TSPAN19: variants seen among roughly 807,000 people sequenced by gnomAD.
TSPAN19 encodes tetraspanin 19.
TSPAN19 carries 44 observed loss-of-function variants against 35.1 expected under a neutral mutation model. The ratio of observed to expected loss-of-function variants is 1.25; its 90% CI spans 0.98 to 1.61. The LOEUF (loss-of-function observed/expected upper bound fraction) is 1.61. Ranked by LOEUF, TSPAN19 falls within the 40% of genes most tolerant of loss-of-function variation. The probability of loss-of-function intolerance (pLI) is 0.00; values close to 1 mark genes in which losing one functional copy is unlikely to be tolerated. For missense variants in TSPAN19, 290 were observed against 280.0 expected, an observed-to-expected ratio of 1.04 and a Z score of -0.26; for synonymous variants, 79 against 92.0, an observed-to-expected ratio of 0.86 and a Z score of 0.81.
chr12:85,028,115 CA>C (rs1565769453), intron 3 of TSPAN19, 92 bp from the exon 4 acceptor site: 3 of 1,133,802 alleles, frequency 2.6e-6, no homozygotes, highest in Non-Finnish European at 3.6e-6. Flanking sequence ...TTGCAGCAAT[CA>C]AAAGTTTTTC....
intron 7 of TSPAN19, 163 bp downstream of exon 7, chr12:85,017,293 A>G (rs1876865701): frequency 3.2e-6 from 2 of 618,424 alleles, no homozygotes; most frequent in South Asian, 2.1e-5. Context: ...ATGACACTAC[A>G]ATTTACCTAA....
Position 85,017,466 on chromosome 12 carries a change from G to A in TSPAN19, c.584C>T (p.Thr195Ile), listed in dbSNP as rs1415848908. The change falls in exon 7 of 9, where the codon ACT (threonine) becomes ATT (isoleucine). Residue 195 changes from threonine (T) to isoleucine (I), a missense_variant. Physicochemically the swap from Thr to Ile is moderately conservative, Grantham distance 89. Transcript: ENST00000532498. ...TAGATTTATCTTTACCTCAAGGTAA[G>A]TTGCATTCAGTGGCTCATCACAAAA... is the stretch of plus-strand genomic sequence containing the variant. ...KWFCDEPLNA[T>I]YLEGCENKIS... is the part of the protein sequence containing the mutation. 2 of 1,608,008 alleles carry A rather than the reference G, an allele frequency of 1.2e-6. No homozygotes were observed. Among genetic ancestry groups the A allele is most frequent in the Non-Finnish European group, 1.7e-6 (2 of 1,176,830 alleles).
intron 5 of TSPAN19, among the ~76,000 whole-genome samples, chr12:85,022,627 A>G (rs979557555): frequency 6.6e-6 from 1 of 152,096 alleles, no homozygotes; most frequent in African/African-American, 2.4e-5. Flanking sequence ...CAAGTTGGTG[A>G]TCCCTAACCA....
chr12:85,023,028 T>C (rs1323409622), intron 5 of TSPAN19, among the ~76,000 whole-genome samples: 1 of 151,982 alleles, frequency 6.6e-6, no homozygotes, highest in Non-Finnish European at 1.5e-5. Context: ...GAGGAGAAGG[T>C]AAAAATTTGA....
intron 8 of TSPAN19, 53 bp downstream of exon 8, chr12:85,015,835 C>A (rs1192595949): frequency 4.5e-6 from 6 of 1,328,712 alleles, no homozygotes; most frequent in South Asian, 1.3e-5. Context: ...GCAGTCTATT[C>A]TGTATAGCTT....
At chr12:85,023,763 G>A (rs1340688705) in intron 4 of TSPAN19, among the ~76,000 whole-genome samples, 1 of 152,102 alleles carries the variant, frequency 6.6e-6, no homozygotes, top group Non-Finnish European at 1.5e-5. Flanking sequence ...AATTTCTGAT[G>A]TACTATTTAA....
chr12:85,028,655 C>T (rs1228647536), intron 3 of TSPAN19, among the ~76,000 whole-genome samples: 1 of 152,092 alleles, frequency 6.6e-6, no homozygotes, highest in Non-Finnish European at 1.5e-5. Flanking sequence ...ACAGTGTAGG[C>T]AGTAGTGTGC....
chr12:85,026,641 T>C (rs1877429954), intron 4 of TSPAN19, among the ~76,000 whole-genome samples: 1 of 152,104 alleles, frequency 6.6e-6, no homozygotes, highest in African/African-American at 2.4e-5. Flanking sequence ...TCCCAATTGC[T>C]GTGTCACTGG....
intron 4 of TSPAN19, among the ~76,000 whole-genome samples, chr12:85,026,706 G>T (rs1380770689): frequency 1.3e-5 from 2 of 152,068 alleles, no homozygotes; most frequent in Admixed American, 1.3e-4. Context: ...TGAGGTACTG[G>T]TTATTTACCA....
intron 6 of TSPAN19, among the ~76,000 whole-genome samples, chr12:85,018,152 C>T (rs915327696): frequency 2.0e-5 from 3 of 151,680 alleles, no homozygotes; most frequent in Non-Finnish European, 4.4e-5. Context: ...TAAGAAATGT[C>T]TCATTTGTAG....
rs781553070 is a variant in TSPAN19 at position 85,019,668 on chromosome 12, T to C, written c.408A>G (p.Glu136=). Residue 136 remains glutamate, a synonymous_variant, in exon 6 of 9, where the codon GAA becomes GAG. Coordinates refer to ENST00000532498, the MANE Select transcript of TSPAN19 (RefSeq NM_001100917.2). ...ISEYGSKDKP[E]DITKWTILNA... ...TCAGAATAGTCCACTTGGTTATATC[T>C]TCAGGCTTATCTTTAGATCCATACT... is the stretch of plus-strand genomic sequence containing the variant. 3.3e-5 allele frequency: 53 copies of C among 1,609,868 alleles called. No individual in the cohort carries two copies. Among genetic ancestry groups the C allele is most frequent in the Non-Finnish European group, 4.4e-5 (52 of 1,177,592 alleles).
chr12:85,027,308 A>G lies in TSPAN19; in HGVS notation c.264+591T>C, dbSNP rs182801008. 2.7e-4 allele frequency among the ~76,000 whole-genome samples: 41 copies of G among 152,206 alleles called. No individual in the cohort carries two copies. The East Asian group carries it at 4.5e-3, about 17-fold the overall frequency. ...AGAGGGGAGGAAAAGAGTGGGGCAA[A>G]GGTTGAAAAGTAACTGCTGGGTACT... On this transcript the variant is annotated intron_variant, in intron 4 of 8. Coordinates refer to ENST00000532498, the MANE Select transcript of TSPAN19 (RefSeq NM_001100917.2).
chr12:85,029,229 G>A (rs1272136030), intron 3 of TSPAN19, among the ~76,000 whole-genome samples: 1 of 152,076 alleles, frequency 6.6e-6, no homozygotes, highest in African/African-American at 2.4e-5. Flanking sequence ...TTTGCTGTAC[G>A]AGTAAATAGT....
intron 7 of TSPAN19, chr12:85,017,150 A>T (rs1876857180): frequency 3.6e-6 from 1 of 278,158 alleles, no homozygotes; most frequent in Non-Finnish European, 6.7e-6. Context: ...AGGCTTTGAC[A>T]GAAGTGCCTC....
chr12:85,022,876 T>C (rs1246069908), intron 5 of TSPAN19, among the ~76,000 whole-genome samples: 2 of 152,158 alleles, frequency 1.3e-5, no homozygotes, highest in African/African-American at 4.8e-5. Flanking sequence ...CTCATCACTC[T>C]ACCTGTGGAA....
At chr12:85,029,362 T>C (rs887058314) in intron 3 of TSPAN19, among the ~76,000 whole-genome samples, 3 of 152,156 alleles carry the variant, frequency 2.0e-5, no homozygotes, top group Admixed American at 2.0e-4. Flanking sequence ...TTTTGATACA[T>C]ACAATATATA....
intron 1 of TSPAN19, 101 bp from the exon 2 acceptor site, chr12:85,030,074 T>C: frequency 1.0e-6 from 1 of 972,932 alleles, no homozygotes; most frequent in Non-Finnish European, 1.4e-6. Context: ...CTCAAATCAA[T>C]TATCAGTATA....
chr12:85,022,619 AGT>A, intron 5 of TSPAN19, among the ~76,000 whole-genome samples: 1 of 152,126 alleles, frequency 6.6e-6, no homozygotes, highest in Non-Finnish European at 1.5e-5. Context: ...CTGTAAAGCA[AGT>A]TGGTGATCCC....
Position 85,017,548 on chromosome 12 carries a change from T to G in TSPAN19, c.502A>C (p.Lys168Gln). The change falls in exon 7 of 9, where the codon AAA becomes CAA. Residue 168 changes from lysine (K) to glutamine (Q), a missense_variant. By Grantham distance (53) the Lys-to-Gln change is moderately conservative. Coordinates refer to ENST00000532498, the MANE Select transcript of TSPAN19 (RefSeq NM_001100917.2). ...NYTDWIKNKNKENSGQVPCSC... is the reference protein window; with the variant it reads ...NYTDWIKNKNQENSGQVPCSC... ...CATGGCACCTGTCCTGAATTTTCTT[T>G]GTTCTTATTCTTTATCCAGTCTGTG... The G allele has an allele frequency of 1.3e-6, 2 of 1,597,586 alleles. No individual in the cohort carries two copies.
Sources: allele counts gnomAD v4.1 joint callset (sites outside exome capture counted in the v4.1 genomes callset), GRCh38; gene constraint gnomAD v4.1.1; transcripts MANE v1.5; gene names NCBI Gene and HGNC (gene_info 2026-07-23, HGNC 2026-07-21).